The following ZDHHC11B variants were observed in gnomAD, a reference collection of about 807,000 sequenced individuals.
ZDHHC11B encodes the protein zDHHC palmitoyltransferase 11B (putative), also known as probable palmitoyltransferase ZDHHC11B.
In ZDHHC11B, 17 loss-of-function variants were observed where a neutral mutation model predicts 42.3. That is an observed-to-expected ratio of 0.40 (90% confidence interval 0.27 to 0.60). The LOEUF is 0.60. Ranked by LOEUF, ZDHHC11B falls within the 20% of genes least tolerant of loss-of-function variation. The pLI, the probability that ZDHHC11B is intolerant of heterozygous loss-of-function variation, is 0.41. For missense variants in ZDHHC11B, 262 were observed against 463.2 expected (o/e 0.57, Z 3.99); for synonymous variants, 123 against 193.5 (o/e 0.64, Z 3.02).
At chr5:772,752 G>A (rs1467917325) in intron 1 of ZDHHC11B, among the ~76,000 whole-genome samples, 1 of 151,728 alleles carries the variant, frequency 6.6e-6, no homozygotes, top group Non-Finnish European at 1.5e-5. Flanking sequence ...AAGGGGTGGA[G>A]CAGTGCCGAC....
intron 12 of ZDHHC11B, among the ~76,000 whole-genome samples, chr5:718,820 T>C (rs1561113617): frequency 2.0e-5 from 3 of 151,726 alleles, no homozygotes; most frequent in Non-Finnish European, 2.9e-5. Context: ...GGCAGCAACC[T>C]ACATTCTTGG....
In ZDHHC11B at chr5:740,916, C is replaced by A. The variant is rs562779244; in HGVS notation, c.935+678G>T. 2.5e-5 allele frequency among the ~76,000 whole-genome samples: 3 copies of A among 118,240 alleles called. 1 individual carries two copies. In the Admixed American group the frequency reaches 3.1e-4, roughly 12 times the overall value. 77.6% of individuals were successfully genotyped at this position (118,240 alleles called of 152,430 possible). ...TGCATATTAAAACATTATATATTTT[C>A]TTTGAATAAAACTAAGCATACTGTT... On this transcript the variant is annotated intron_variant, in intron 10 of 13. Transcript: ENST00000508859.
chr5:769,610 C>T (rs867266879), intron 1 of ZDHHC11B, among the ~76,000 whole-genome samples: 1 of 151,786 alleles, frequency 6.6e-6, no homozygotes, highest in Non-Finnish European at 1.5e-5. Context: ...CACGCGAGCC[C>T]GCGAGTGCGT....
chr5:746,063 G>C (rs1464326869), intron 8 of ZDHHC11B, among the ~76,000 whole-genome samples: 2 of 149,670 alleles, frequency 1.3e-5, no homozygotes, highest in Non-Finnish European at 3.0e-5. Flanking sequence ...GGGAAGCAAA[G>C]CAAAACCTGA....
rs1385332536 is a variant in ZDHHC11B at position 711,302 on chromosome 5, C to A, written c.*988G>T. On this transcript the variant is annotated 3_prime_UTR_variant, in exon 14 of 14. Coordinates refer to ENST00000508859, the MANE Select transcript of ZDHHC11B (RefSeq NM_001351303.2). ...TTCCCAGTACTGTGCTCCCAATTCC[C>A]AGTACTGTGGGCTCCCCTTTCCCAG... The A allele has an allele frequency of 6.5e-6, 1 of 154,860 alleles. No homozygotes were observed. Among genetic ancestry groups the A allele is most frequent in the African/African-American group, 2.4e-5 (1 of 40,942 alleles). The allele number at this position is 154,860 out of a possible 1,614,324, so 9.6% of individuals were successfully genotyped here.
At chr5:747,824 C>A in intron 8 of ZDHHC11B, 1 of 181,852 alleles carries the variant, frequency 5.5e-6, no homozygotes, top group South Asian at 1.5e-4. Context: ...CGGCTGGTGC[C>A]AGGAGCAGGG....
rs553260064 is a variant in ZDHHC11B, at chr5:720,471, T to C, written c.1059-3606A>G. ...AAGCAATAACTAAGACATTCTCAGA[T>C]AGACAAAAATTGAGAGAATTCTTTA... On this transcript the variant is annotated intron_variant, in intron 12 of 13. Coordinates refer to ENST00000508859, the MANE Select transcript of ZDHHC11B (RefSeq NM_001351303.2). Among the ~76,000 whole-genome samples, 10 of 151,892 alleles carry C rather than the reference T, an allele frequency of 6.6e-5. 1 individual carries two copies. In the East Asian group the frequency reaches 1.9e-3, roughly 29 times the overall value.
intron 9 of ZDHHC11B, among the ~76,000 whole-genome samples, chr5:742,842 C>T (rs1444688374): frequency 2.0e-5 from 3 of 148,788 alleles, no homozygotes; most frequent in Non-Finnish European, 4.4e-5. Context: ...TTGGTAAAGT[C>T]CAAACTATGA....
chr5:716,902 C>G (rs561454363), intron 12 of ZDHHC11B, 37 bp from the exon 13 acceptor site: 6 of 1,612,112 alleles, frequency 3.7e-6, no homozygotes, highest in Non-Finnish European at 5.1e-6. Flanking sequence ...CAACAGAGAA[C>G]GTATGATGTA....
Position 721,103 on chromosome 5 carries a change from C to CA in ZDHHC11B, c.1059-4239dup, listed in dbSNP as rs1330713127. Among the ~76,000 whole-genome samples the CA allele has an allele frequency of 2.7e-5, 4 of 150,126 alleles. 1 individual carries two copies. Among genetic ancestry groups the CA allele is most frequent in the African/African-American group, 7.4e-5 (3 of 40,740 alleles). Reference sequence around the variant, plus strand: ...CTGGGCAACAGACTGAGTCCTGTCTCAAAAAAAAATCTAAGTTGGTATTCA... The same window carrying CA: ...CTGGGCAACAGACTGAGTCCTGTCTCAAAAAAAAAATCTAAGTTGGTATTCA... On this transcript the variant is annotated intron_variant, in intron 12 of 13. Transcript: ENST00000508859.
chr5:713,886 C>G (rs1303465905), intron 13 of ZDHHC11B, among the ~76,000 whole-genome samples: 1 of 141,626 alleles, frequency 7.1e-6, no homozygotes, highest in East Asian at 2.0e-4. Flanking sequence ...GCCATTTTGG[C>G]TGTGCTCTCA....
intron 1 of ZDHHC11B, among the ~76,000 whole-genome samples, chr5:774,744 C>G (rs1284551351): frequency 1.9e-5 from 1 of 53,436 alleles, no homozygotes; most frequent in African/African-American, 6.6e-5. Flanking sequence ...GAGCCTATTA[C>G]TAGGACCTGG....
Position 713,895 on chromosome 5 carries a change from C to T in ZDHHC11B, c.*8-1613G>A, listed in dbSNP as rs940886895. 1.5e-5 allele frequency among the ~76,000 whole-genome samples: 2 copies of T among 134,842 alleles called. 1 individual carries two copies. The highest frequency in any genetic ancestry group is 3.4e-5 in the Non-Finnish European group (2 of 59,008). 88.5% of individuals were successfully genotyped at this position (134,842 alleles called of 152,430 possible). On this transcript the variant is annotated intron_variant, in intron 13 of 13. Coordinates refer to ENST00000508859, the MANE Select transcript of ZDHHC11B (RefSeq NM_001351303.2). ...TGGCTTGCCATTTTGGCTGTGCTCT[C>T]AGCTTGATCTGCCCTTTGTACCTCC...
intron 4 of ZDHHC11B, among the ~76,000 whole-genome samples, chr5:759,434 C>A (rs948429094): frequency 4.6e-5 from 7 of 151,948 alleles, no homozygotes; most frequent in African/African-American, 1.5e-4. Flanking sequence ...GAAGGCGCCG[C>A]GCCACTCCAT....
At position 732,228 on chromosome 5, in the gene ZDHHC11B, T is replaced by C. The variant is rs73730929; in HGVS notation, c.1023+1524A>G. On this transcript the variant is annotated intron_variant, in intron 11 of 13. Coordinates refer to ENST00000508859, the MANE Select transcript of ZDHHC11B (RefSeq NM_001351303.2). ...TGTGAACAATGAACCGACGGTGTCA[T>C]TTTCATAGGATTGTCCTGGAGCCCA... The C allele has an allele frequency of 3.7e-3, 596 of 159,646 alleles. 19 individuals are homozygous for C. The highest frequency in any genetic ancestry group is 0.014 in the African/African-American group (574 of 41,518). 9.9% of individuals were successfully genotyped at this position (159,646 alleles called of 1,614,324 possible).
chr5:753,971 A>T (rs1746143252), intron 6 of ZDHHC11B, among the ~76,000 whole-genome samples: 1 of 141,388 alleles, frequency 7.1e-6, no homozygotes. Context: ...GCCGGGGCTC[A>T]GCACACGGGG....
intron 6 of ZDHHC11B, among the ~76,000 whole-genome samples, chr5:753,634 T>C (rs1401263808): frequency 2.0e-5 from 3 of 147,994 alleles, no homozygotes; most frequent in African/African-American, 7.4e-5. Context: ...TGGCCCCACC[T>C]TGGCCATCGT....
At chr5:772,740 C>T (rs1736160450) in intron 1 of ZDHHC11B, among the ~76,000 whole-genome samples, 1 of 151,748 alleles carries the variant, frequency 6.6e-6, no homozygotes. Flanking sequence ...CCTTTCTGCA[C>T]CAAGGGGTGG....
At chr5:763,487 C>T (rs1488615399) in intron 4 of ZDHHC11B, among the ~76,000 whole-genome samples, 1 of 151,822 alleles carries the variant, frequency 6.6e-6, no homozygotes, top group Non-Finnish European at 1.5e-5. Flanking sequence ...TTATCAAAAG[C>T]CTTCCCACAA....
Sources: gnomAD v4.1 joint callset for allele counts (sites outside exome capture counted in the v4.1 genomes callset) on GRCh38, gnomAD v4.1.1 for gene constraint, MANE v1.5 for transcripts, NCBI Gene and HGNC (gene_info 2026-07-23, HGNC 2026-07-21) for gene names.